Variants in MACROD2 observed in about 807,000 individuals in gnomAD.
The protein encoded by MACROD2 is ADP-ribose glycohydrolase MACROD2.
In MACROD2, 36 loss-of-function variants were observed where a neutral mutation model predicts 70.4. The observed-to-expected ratio is 0.51, with a 90% CI of 0.39 to 0.68. MACROD2 has a LOEUF of 0.68. Among genes scored for constraint, MACROD2 ranks in the 30% least tolerant of loss-of-function variants. MACROD2 has a pLI of 0.00. For synonymous variants in MACROD2, 172 were observed against 178.8 expected, an observed-to-expected ratio of 0.96 and a Z score of 0.30; for missense variants, 496 against 538.4, an observed-to-expected ratio of 0.92 and a Z score of 0.78.
At chr20:14,752,367 T>A (rs1600626539) in intron 5 of MACROD2, among the ~76,000 whole-genome samples, 1 of 150,908 alleles carries the variant, frequency 6.6e-6, no homozygotes, top group Non-Finnish European at 1.5e-5. Flanking sequence ...CTACATCCAT[T>A]GAGTTATAGA....
chr20:15,217,111 CAAG>C (rs1236094494), intron 5 of MACROD2, among the ~76,000 whole-genome samples: 1 of 152,050 alleles, frequency 6.6e-6, no homozygotes, highest in Non-Finnish European at 1.5e-5. Flanking sequence ...ACCAGGCATC[CAAG>C]AAGTAGTAGA....
intron 6 of MACROD2, among the ~76,000 whole-genome samples, chr20:15,305,248 G>A (rs1052010826): frequency 1.1e-4 from 16 of 151,532 alleles, no homozygotes; most frequent in African/African-American, 3.9e-4. Context: ...TTTTCCCATG[G>A]ATCTCATGTT....
chr20:14,340,816 G>C (rs1171821098), intron 3 of MACROD2, among the ~76,000 whole-genome samples: 1 of 152,128 alleles, frequency 6.6e-6, no homozygotes. Context: ...TAAAACTCTA[G>C]GACTATCTAA....
intron 8 of MACROD2, among the ~76,000 whole-genome samples, chr20:15,658,460 T>C (rs1219352371): frequency 6.6e-6 from 1 of 152,176 alleles, no homozygotes; most frequent in East Asian, 1.9e-4. Context: ...GGCCTCATTG[T>C]TTGCAGGTCT....
rs185549926 is a variant in MACROD2 at position 15,163,285 on chromosome 20, A to G, written c.419-66655A>G. ...CCCTGGTTAAAATACAGAGATTATC[A>G]GAAGATTAAACTATTCAGGAAAAAA... On this transcript the variant is annotated intron_variant, in intron 5 of 17. Transcript: ENST00000684519. Among the ~76,000 whole-genome samples, 231 of 151,484 alleles carry G rather than the reference A, an allele frequency of 1.5e-3. 3 individuals are homozygous for G. The highest frequency in any genetic ancestry group is 0.014 in the Admixed American group (207 of 15,186).
chr20:15,954,460 G>A (rs2065948616), intron 12 of MACROD2, among the ~76,000 whole-genome samples: 1 of 152,104 alleles, frequency 6.6e-6, no homozygotes, highest in Admixed American at 6.6e-5. Flanking sequence ...CTCTAACTAT[G>A]TAAATCTTTT....
At chr20:15,595,577 A>G (rs2048735707) in intron 8 of MACROD2, among the ~76,000 whole-genome samples, 1 of 152,210 alleles carries the variant, frequency 6.6e-6, no homozygotes, top group African/African-American at 2.4e-5. Flanking sequence ...CAGGAAGGAA[A>G]ATGCAGCTAT....
At chr20:15,654,358 C>T (rs906771490) in intron 8 of MACROD2, among the ~76,000 whole-genome samples, 11 of 152,288 alleles carry the variant, frequency 7.2e-5, no homozygotes, top group Middle Eastern at 3.4e-3. Flanking sequence ...ATTGTCAATA[C>T]CTCTTAACAG....
chr20:14,510,761 G>T (rs552075206), intron 4 of MACROD2, among the ~76,000 whole-genome samples: 1 of 152,024 alleles, frequency 6.6e-6, no homozygotes, highest in South Asian at 2.1e-4. Context: ...CCTATCCCAT[G>T]CATAGGGTTT....
At chr20:15,140,247 G>C (rs1743475) in intron 5 of MACROD2, among the ~76,000 whole-genome samples, 88,574 of 151,896 alleles carry the variant, frequency 0.58, 25,923 homozygotes, top group East Asian at 0.61. Context: ...AGTCATGCCA[G>C]CATAAGAACT....
intron 3 of MACROD2, among the ~76,000 whole-genome samples, chr20:14,169,177 C>T (rs1382759232): frequency 6.6e-6 from 1 of 152,104 alleles, no homozygotes; most frequent in East Asian, 1.9e-4. Flanking sequence ...AAAACCTCAG[C>T]AAAATTGGCA....
chr20:15,787,180 C>T (rs1455609838), intron 8 of MACROD2, among the ~76,000 whole-genome samples: 2 of 152,144 alleles, frequency 1.3e-5, no homozygotes, highest in Non-Finnish European at 2.9e-5. Context: ...CCATGCTGGC[C>T]AAGCTGGTCT....
chr20:14,326,702 A>G lies in MACROD2; in HGVS notation c.272-166777A>G. ...TCCAGTCGATAGAGCTGCCTTAGAT[A>G]AGAAAAAGCATTTGGGGGCACCCGA... On this transcript the variant is annotated intron_variant, in intron 3 of 17. Transcript: ENST00000684519. The surrounding 1 kb of genome is among the most constrained non-coding windows in gnomAD (Gnocchi z 5.5). 1 of 1,613,768 alleles carries G rather than the reference A, an allele frequency of 6.2e-7. No homozygotes were observed. Among genetic ancestry groups the G allele is most frequent in the Non-Finnish European group, 8.5e-7 (1 of 1,179,824 alleles).
At chr20:14,685,069 C>A (rs1325446518) in intron 5 of MACROD2, 110 bp downstream of exon 5, 1 of 817,728 alleles carries the variant, frequency 1.2e-6, no homozygotes, top group Non-Finnish European at 2.0e-6. Flanking sequence ...ATTAAATGTG[C>A]TTGAGTTCAG....
intron 3 of MACROD2, among the ~76,000 whole-genome samples, chr20:14,360,721 C>A (rs1046936568): frequency 1.3e-5 from 2 of 152,226 alleles, no homozygotes; most frequent in African/African-American, 4.8e-5. Context: ...AATCAGGCAT[C>A]TTTTCTTTTA....
In MACROD2 at chr20:15,090,432, A is replaced by G. The variant is rs149220627; in HGVS notation, c.419-139508A>G. 9.5e-3 allele frequency among the ~76,000 whole-genome samples: 1,446 copies of G among 152,182 alleles called. 8 individuals are homozygous for G. Among genetic ancestry groups the G allele is most frequent in the Non-Finnish European group, 0.012 (816 of 67,990 alleles). On this transcript the variant is annotated intron_variant, in intron 5 of 17. Transcript: ENST00000684519. ...CTGAAATATTGTTTGCCCAGAGCCT[A>G]TGTTTTCTTCTACCTTCCTCACTGC...
chr20:15,575,916 T>C (rs1244426513), intron 8 of MACROD2, among the ~76,000 whole-genome samples: 2 of 152,182 alleles, frequency 1.3e-5, no homozygotes, highest in Non-Finnish European at 2.9e-5. Flanking sequence ...ACTTGTTTAC[T>C]TTATATATTT....
intron 5 of MACROD2, among the ~76,000 whole-genome samples, chr20:15,016,532 T>C (rs2075122780): frequency 6.6e-6 from 1 of 152,094 alleles, no homozygotes; most frequent in African/African-American, 2.4e-5. Flanking sequence ...CTCCCCACAG[T>C]AATGAGTGGG....
At chr20:15,609,671 C>T (rs191771629) in intron 8 of MACROD2, among the ~76,000 whole-genome samples, 2 of 152,262 alleles carry the variant, frequency 1.3e-5, no homozygotes, top group Admixed American at 6.5e-5. Flanking sequence ...AAAGGAACGA[C>T]GGGAGGTATT....
Sources: gnomAD v4.1 joint callset for allele counts (sites outside exome capture counted in the v4.1 genomes callset) on GRCh38, gnomAD v4.1.1 for gene constraint, Gnocchi (gnomAD v3.1) non-coding constraint, MANE v1.5 for transcripts, NCBI Gene and HGNC (gene_info 2026-07-23, HGNC 2026-07-21) for gene names.